Variants in STPG2 observed in about 807,000 individuals in gnomAD.
STPG2 encodes sperm tail PG-rich repeat containing 2.
Under a neutral mutation model 54.2 loss-of-function variants are expected in STPG2, and 56 were observed. That is an observed-to-expected ratio of 1.03 (90% confidence interval 0.83 to 1.29). The LOEUF is 1.29. Ranked by LOEUF, STPG2 falls within the 50% of genes most tolerant of loss-of-function variation. The probability of loss-of-function intolerance (pLI) is 0.00; values close to 1 mark genes in which losing one functional copy is unlikely to be tolerated. For synonymous variants in STPG2, 200 were observed against 181.8 expected, an observed-to-expected ratio of 1.10 and a Z score of -0.81; for missense variants, 596 against 544.9, an observed-to-expected ratio of 1.09 and a Z score of -0.93.
intron 3 of STPG2, among the ~76,000 whole-genome samples, chr4:98,123,379 T>C (rs375602286): frequency 3.3e-5 from 5 of 152,220 alleles, no homozygotes; most frequent in African/African-American, 1.2e-4. Context: ...GAGATTCTGG[T>C]ACATTGTCTC....
At chr4:97,807,920 T>A (rs961935534) in intron 9 of STPG2, among the ~76,000 whole-genome samples, 1 of 151,922 alleles carries the variant, frequency 6.6e-6, no homozygotes, top group African/African-American at 2.4e-5. Flanking sequence ...TATACTATCA[T>A]CAAACAAGCA....
At chr4:97,735,894 A>G (rs1724971327) in intron 9 of STPG2, among the ~76,000 whole-genome samples, 1 of 152,172 alleles carries the variant, frequency 6.6e-6, no homozygotes, top group Non-Finnish European at 1.5e-5. Context: ...ACCTAAGTAG[A>G]TATTTCTCAA....
At chr4:98,015,337 C>T (rs1258794558) in intron 5 of STPG2, among the ~76,000 whole-genome samples, 10 of 150,500 alleles carry the variant, frequency 6.6e-5, no homozygotes, top group Admixed American at 6.0e-4. Context: ...CCAGAATCTA[C>T]AAAGAATTTA....
chr4:97,552,131 A>C (rs960094169), intron 4 of STPG2, among the ~76,000 whole-genome samples: 1 of 152,172 alleles, frequency 6.6e-6, no homozygotes, highest in Non-Finnish European at 1.5e-5. Flanking sequence ...TGTATAGCCA[A>C]TATTCAAATC....
At chr4:97,724,941 T>C (rs377201025) in intron 9 of STPG2, among the ~76,000 whole-genome samples, 15 of 152,228 alleles carry the variant, frequency 9.9e-5, no homozygotes, top group Non-Finnish European at 1.9e-4. Context: ...AAGAGTACAG[T>C]ACAGAAATAT....
chr4:97,533,049 A>AT (rs1189238432), intron 4 of STPG2, among the ~76,000 whole-genome samples: 2 of 151,860 alleles, frequency 1.3e-5, no homozygotes, highest in Admixed American at 6.6e-5. Flanking sequence ...CACCCGGCTA[A>AT]TTTTTTTATT....
intron 5 of STPG2, among the ~76,000 whole-genome samples, chr4:98,004,098 T>G (rs1018195277): frequency 6.6e-6 from 1 of 152,058 alleles, no homozygotes; most frequent in African/African-American, 2.4e-5. Context: ...ACTATAACAT[T>G]AGATCTTCAG....
At chr4:98,095,632 T>C (rs1578849937) in intron 5 of STPG2, among the ~76,000 whole-genome samples, 2 of 152,258 alleles carry the variant, frequency 1.3e-5, no homozygotes, top group South Asian at 4.1e-4. Context: ...TGATTATAAA[T>C]ACAAATGTGC....
intron 7 of STPG2, among the ~76,000 whole-genome samples, chr4:97,964,960 G>C (rs35644814): frequency 0.39 from 59,316 of 151,982 alleles, 11,703 homozygotes; most frequent in Middle Eastern, 0.46. Flanking sequence ...TTCCAACTGA[G>C]GCACCTGGTT....
intron 10 of STPG2, among the ~76,000 whole-genome samples, chr4:97,603,282 G>C (rs1264377933): frequency 6.6e-6 from 1 of 151,548 alleles, no homozygotes; most frequent in Admixed American, 6.6e-5. Flanking sequence ...ACATTCAACA[G>C]GATGGCTACT....
At chr4:98,115,247 C>T (rs1330228230) in intron 3 of STPG2, among the ~76,000 whole-genome samples, 1 of 151,938 alleles carries the variant, frequency 6.6e-6, no homozygotes, top group Non-Finnish European at 1.5e-5. Context: ...AATTCAAACA[C>T]TAATGAACTG....
chr4:97,693,638 C>T (rs1414079607), intron 10 of STPG2, among the ~76,000 whole-genome samples: 3 of 152,054 alleles, frequency 2.0e-5, no homozygotes, highest in Non-Finnish European at 2.9e-5. Context: ...GACAGATGGA[C>T]TTAAACTGTA....
chr4:98,073,231 TTC>T (rs1271259215), intron 5 of STPG2, among the ~76,000 whole-genome samples: 1 of 152,172 alleles, frequency 6.6e-6, no homozygotes, highest in East Asian at 1.9e-4. Flanking sequence ...TAAAAATTAT[TTC>T]TCCTACTCCT....
chr4:98,037,389 T>C (rs144530064), intron 5 of STPG2, among the ~76,000 whole-genome samples: 2 of 152,194 alleles, frequency 1.3e-5, no homozygotes, highest in East Asian at 3.9e-4. Context: ...TTAATGTATA[T>C]ACAAAATTAA....
rs1732681328 is a variant in STPG2 at position 97,574,720 on chromosome 4, G to A, written c.1321-15603C>T. ...ATCCTTTTCAGCAAAAAAGTGGTGGGAGGAGGTCAGAAAGACCTTTCTGCT... is the reference window on the plus strand; with the variant it reads ...ATCCTTTTCAGCAAAAAAGTGGTGGAAGGAGGTCAGAAAGACCTTTCTGCT... On this transcript the variant is annotated intron_variant, in intron 10 of 10. Coordinates refer to ENST00000295268, the MANE Select transcript of STPG2 (RefSeq NM_174952.3). 2.0e-5 allele frequency among the ~76,000 whole-genome samples: 3 copies of A among 152,004 alleles called. No individual in the cohort carries two copies. In the South Asian group the frequency reaches 6.2e-4, roughly 32 times the overall value.
At chr4:97,480,339 T>C (rs534692451) in intron 4 of STPG2, among the ~76,000 whole-genome samples, 2 of 151,288 alleles carry the variant, frequency 1.3e-5, no homozygotes, top group African/African-American at 4.8e-5. Context: ...AAACAAAAAA[T>C]GAAATGGGAG....
chr4:97,990,322 G>C (rs1734962853), intron 5 of STPG2, among the ~76,000 whole-genome samples: 1 of 152,064 alleles, frequency 6.6e-6, no homozygotes, highest in Admixed American at 6.6e-5. Context: ...AAGCCACTTA[G>C]AAATAAGCTC....
intron 10 of STPG2, among the ~76,000 whole-genome samples, chr4:97,562,010 A>G (rs899432920): frequency 7.2e-5 from 11 of 152,202 alleles, no homozygotes; most frequent in East Asian, 1.9e-4. Flanking sequence ...GGATGGCATT[A>G]AATCTATAAA....
At chr4:97,731,253 G>C (rs560551130) in intron 9 of STPG2, among the ~76,000 whole-genome samples, 1 of 152,092 alleles carries the variant, frequency 6.6e-6, no homozygotes, top group Non-Finnish European at 1.5e-5. Context: ...TTGTTTCTGG[G>C]TGCTTCAGAG....
Sources: gnomAD v4.1 joint callset for allele counts (sites outside exome capture counted in the v4.1 genomes callset) on GRCh38, gnomAD v4.1.1 for gene constraint, MANE v1.5 for transcripts, NCBI Gene and HGNC (gene_info 2026-07-23, HGNC 2026-07-21) for gene names.